ADAM32: variants seen among roughly 807,000 people sequenced by gnomAD.
ADAM32 encodes disintegrin and metalloproteinase domain-containing protein 32.
A neutral mutation model predicts 114.9 loss-of-function variants in ADAM32; 89 were observed. The ratio of observed to expected loss-of-function variants is 0.77; its 90% CI spans 0.65 to 0.92. ADAM32 has a LOEUF of 0.92. ADAM32 is among the 40% of genes least tolerant of loss of function. ADAM32 has a pLI of 0.00. For synonymous variants in ADAM32, 285 were observed against 307.5 expected, an observed-to-expected ratio of 0.93 and a Z score of 0.77; for missense variants, 870 against 932.8, an observed-to-expected ratio of 0.93 and a Z score of 0.88.
intron 9 of ADAM32, chr8:39,169,395 T>C (rs1805054867): frequency 6.6e-6 from 1 of 152,292 alleles, no homozygotes; most frequent in Non-Finnish European, 1.5e-5. Flanking sequence ...TAGTTTGTTT[T>C]GAGTGTTAAA....
At chr8:39,162,134 A>G (rs1401203931) in intron 7 of ADAM32, among the ~76,000 whole-genome samples, 2 of 147,086 alleles carry the variant, frequency 1.4e-5, no homozygotes, top group Admixed American at 6.8e-5. Context: ...TACATTAGGT[A>G]TATCTCCTAA....
intron 7 of ADAM32, among the ~76,000 whole-genome samples, chr8:39,164,416 G>T (rs891543588): frequency 6.6e-6 from 1 of 152,154 alleles, no homozygotes; most frequent in Non-Finnish European, 1.5e-5. Context: ...TAGCTATTAT[G>T]AGTAAAGATG....
chr8:39,284,380 C>CGT (rs765651115), intron 24 of ADAM32, among the ~76,000 whole-genome samples: 14 of 143,374 alleles, frequency 9.8e-5, no homozygotes, highest in African/African-American at 3.7e-4. Context: ...CACACACGTA[C>CGT]ACACACACAC....
intron 12 of ADAM32, among the ~76,000 whole-genome samples, chr8:39,214,815 G>T (rs1006386221): frequency 1.3e-5 from 2 of 152,134 alleles, no homozygotes; most frequent in Non-Finnish European, 2.9e-5. Context: ...TAGTTTCATA[G>T]TTTGAGGTGT....
intron 11 of ADAM32, among the ~76,000 whole-genome samples, chr8:39,204,907 G>A (rs1807715669): frequency 6.6e-6 from 1 of 152,234 alleles, no homozygotes; most frequent in South Asian, 2.1e-4. Flanking sequence ...GACCCTGTTT[G>A]CCTGGGTATC....
intron 15 of ADAM32, among the ~76,000 whole-genome samples, 153 bp downstream of exon 15, chr8:39,232,288 T>A (rs1038722683): frequency 2.0e-5 from 3 of 152,154 alleles, no homozygotes; most frequent in Admixed American, 6.6e-5. Flanking sequence ...TGACACCTCT[T>A]TTGTGCTGCA....
intron 2 of ADAM32, among the ~76,000 whole-genome samples, chr8:39,124,059 A>G (rs987363059): frequency 5.3e-5 from 8 of 150,460 alleles, no homozygotes; most frequent in Non-Finnish European, 1.2e-4. Context: ...GTGCATGTAC[A>G]GGTTGTGCAG....
intron 2 of ADAM32, chr8:39,129,955 CTTTTTT>C: frequency 3.3e-5 from 8 of 243,854 alleles, no homozygotes; most frequent in South Asian, 1.1e-4. Flanking sequence ...ATCACATTTC[CTTTTTT>C]TTTTTTTTTT....
At chr8:39,155,900 C>T (rs573757515) in intron 6 of ADAM32, among the ~76,000 whole-genome samples, 1 of 152,016 alleles carries the variant, frequency 6.6e-6, no homozygotes, top group Non-Finnish European at 1.5e-5. Flanking sequence ...AAATTTATAA[C>T]AATCATAGTT....
At chr8:39,259,480 T>C (rs1181013666) in intron 19 of ADAM32, among the ~76,000 whole-genome samples, 1 of 152,130 alleles carries the variant, frequency 6.6e-6, no homozygotes, top group Non-Finnish European at 1.5e-5. Flanking sequence ...TTGTATTCTG[T>C]TTTTGTTTTA....
In ADAM32 at chr8:39,170,025, A is replaced by C. The variant is rs199981625; in HGVS notation, c.915+28A>C. 1.1e-5 allele frequency: 16 copies of C among 1,454,414 alleles called. No homozygotes were observed. In the African/African-American group the frequency reaches 1.8e-4, roughly 17 times the overall value. The allele number at this position is 1,454,414 out of a possible 1,614,324, so 90.1% of individuals were successfully genotyped here. On this transcript the variant is annotated intron_variant, in intron 10 of 24. Transcript: ENST00000379907. ...ATGTAACTATTTAATCTTATTTTTT[A>C]AATTAACACGTTTAAAAATTATTTG...
chr8:39,168,767 A>G (rs930724190), intron 9 of ADAM32: 2 of 152,240 alleles, frequency 1.3e-5, no homozygotes, highest in Non-Finnish European at 2.9e-5. Flanking sequence ...AAAGGAAACA[A>G]ACACTGACAA....
chr8:39,235,766 A>C (rs560458252), intron 16 of ADAM32, among the ~76,000 whole-genome samples: 1 of 152,168 alleles, frequency 6.6e-6, no homozygotes, highest in South Asian at 2.1e-4. Context: ...CAGACAGTAG[A>C]TACTATATTC....
intron 19 of ADAM32, among the ~76,000 whole-genome samples, chr8:39,259,891 C>T (rs1283819849): frequency 6.6e-6 from 1 of 152,142 alleles, no homozygotes; most frequent in Admixed American, 6.5e-5. Flanking sequence ...GGTATCGGTA[C>T]AATACTTTTA....
At chr8:39,230,019 A>G (rs576281533) in intron 14 of ADAM32, among the ~76,000 whole-genome samples, 47 of 152,268 alleles carry the variant, frequency 3.1e-4, no homozygotes, top group African/African-American at 1.1e-3. Context: ...TTTATCTCAG[A>G]CACCCACATT....
At chr8:39,129,781 G>T (rs1315136725) in intron 2 of ADAM32, 15 of 258,222 alleles carry the variant, frequency 5.8e-5, no homozygotes. Context: ...ATTCATCATT[G>T]AATTCATCTG....
rs560857895 is a variant in ADAM32, at chr8:39,258,679, G to A, written c.2162+1336G>A. ...TGATATGTGTCCTCCAATGTTTTTA[G>A]GACCAACTTTTTAATTGTGTTGTTT... On this transcript the variant is annotated intron_variant, in intron 19 of 24. Coordinates refer to ENST00000379907, the MANE Select transcript of ADAM32 (RefSeq NM_145004.7). 1.2e-4 allele frequency among the ~76,000 whole-genome samples: 19 copies of A among 152,114 alleles called. 1 individual carries two copies. In the South Asian group the frequency reaches 3.9e-3, roughly 32 times the overall value.
intron 14 of ADAM32, 57 bp downstream of exon 14, chr8:39,223,295 G>A: frequency 8.4e-7 from 1 of 1,188,400 alleles, no homozygotes; most frequent in Non-Finnish European, 1.1e-6. Context: ...ACATTACCAG[G>A]ATAATGGGGT....
rs1204691051 is a variant in ADAM32 at position 39,149,790 on chromosome 8, G to A, written c.277-1G>A. The A allele has an allele frequency of 1.2e-6, 2 of 1,606,586 alleles. No individual in the cohort carries two copies. The highest frequency in any genetic ancestry group is 1.7e-6 in the Non-Finnish European group (2 of 1,175,434). On this transcript the variant is annotated splice_acceptor_variant, in intron 4 of 24. Coordinates refer to ENST00000379907, the MANE Select transcript of ADAM32 (RefSeq NM_145004.7). LOFTEE classifies it high-confidence loss of function. ...ACTACTTTACTTTTTTTCTTTCCTA[G>A]ACTCAATGCTACTATCAAGGAAATA...
Sources: gnomAD v4.1 joint callset for allele counts (sites outside exome capture counted in the v4.1 genomes callset) on GRCh38, gnomAD v4.1.1 for gene constraint, MANE v1.5 for transcripts, NCBI Gene and HGNC (gene_info 2026-07-23, HGNC 2026-07-21) for gene names.